Variants in EML5 observed in about 807,000 individuals in gnomAD.
The protein encoded by EML5 is echinoderm microtubule-associated protein-like 5.
A neutral mutation model predicts 250.0 loss-of-function variants in EML5; 120 were observed. The ratio of observed to expected loss-of-function variants is 0.48; its 90% CI spans 0.41 to 0.56. The LOEUF (loss-of-function observed/expected upper bound fraction) is 0.56. Among genes scored for constraint, EML5 ranks in the 20% least tolerant of loss-of-function variants. EML5 has a pLI of 0.00. For missense variants in EML5, 2,006 were observed against 2,437.6 expected (o/e 0.82, Z 3.73); for synonymous variants, 771 against 806.5 (o/e 0.96, Z 0.75).
rs2094361693 is a variant in EML5 at position 88,769,349 on chromosome 14, C to T, written c.198-14678G>A. Reference sequence around the variant, plus strand: ...ACTCTAGCCATGTGAAGTGCCTTGCCTCCCCTTTGCCTTCTGCCATGACTG... The same window carrying T: ...ACTCTAGCCATGTGAAGTGCCTTGCTTCCCCTTTGCCTTCTGCCATGACTG... On this transcript the variant is annotated intron_variant, in intron 1 of 43. Transcript: ENST00000554922. 3.9e-5 allele frequency among the ~76,000 whole-genome samples: 6 copies of T among 152,164 alleles called. No individual in the cohort carries two copies. The South Asian group carries it at 1.2e-3, about 31-fold the overall frequency.
intron 25 of EML5, among the ~76,000 whole-genome samples, chr14:88,658,940 T>A (rs183565175): frequency 3.7e-4 from 57 of 152,298 alleles, no homozygotes; most frequent in African/African-American, 1.2e-3. Context: ...AAAAAGTAAC[T>A]ATCGATTGAT....
chr14:88,779,937 C>T (rs1263111022), intron 1 of EML5, among the ~76,000 whole-genome samples: 3 of 151,930 alleles, frequency 2.0e-5, no homozygotes, highest in Non-Finnish European at 4.4e-5. Flanking sequence ...CTATGGATCT[C>T]TCATGTTTCT....
rs776663390 is a variant in EML5, at chr14:88,621,202, T to C, written c.5113A>G (p.Ile1705Val). 11 of 1,613,840 alleles carry C rather than the reference T, an allele frequency of 6.8e-6. 1 individual carries two copies. Among genetic ancestry groups the C allele is most frequent in the Admixed American group, 3.3e-5 (2 of 60,000 alleles). Residue 1705 changes from isoleucine (I) to valine (V), a missense_variant, in exon 38 of 44, where the codon ATC becomes GTC. Transcript: ENST00000554922. ...ILVNGHVDGPIWGLATHPSRD... is the reference protein window; with the variant it reads ...ILVNGHVDGPVWGLATHPSRD... ...GAAGGATGTGTTGCTAGTCCCCAGA[T>C]TGGCCCATCCACATGACCGTTAACT... is the stretch of plus-strand genomic sequence containing the variant.
At position 88,684,953 on chromosome 14, in the gene EML5, T is replaced by G. The variant is rs555617956; in HGVS notation, c.2982+62A>C. 51 of 1,419,010 alleles carry G rather than the reference T, an allele frequency of 3.6e-5. No homozygotes were observed. The African/African-American group carries it at 6.9e-4, about 19-fold the overall frequency. The allele number at this position is 1,419,010 out of a possible 1,614,324, so 87.9% of individuals were successfully genotyped here. The stretch of plus-strand genomic sequence containing the variant: ...TTTCATCACTGTCAACTTTTGGCTC[T>G]TATATATTGAAATAATCAATTGTAT... On this transcript the variant is annotated intron_variant, in intron 20 of 43. Coordinates refer to ENST00000554922, the MANE Select transcript of EML5 (RefSeq NM_183387.3).
intron 2 of EML5, among the ~76,000 whole-genome samples, chr14:88,749,519 A>C (rs2094059172): frequency 6.6e-6 from 1 of 152,210 alleles, no homozygotes; most frequent in African/African-American, 2.4e-5. Flanking sequence ...TAAATATGTA[A>C]GATTTTTCTC....
intron 30 of EML5, 72 bp from the exon 31 acceptor site, chr14:88,643,094 GTAA>G: frequency 1.5e-6 from 2 of 1,362,620 alleles, no homozygotes; most frequent in South Asian, 3.1e-5. Flanking sequence ...TGTTGTATAC[GTAA>G]TACTAGTAGT....
chr14:88,661,988 C>A (rs1446025382), intron 24 of EML5, among the ~76,000 whole-genome samples, 158 bp from the exon 25 acceptor site: 1 of 152,112 alleles, frequency 6.6e-6, no homozygotes, highest in Non-Finnish European at 1.5e-5. Context: ...GGTTTTGTAA[C>A]TCCCCAGAGC....
chr14:88,690,434 C>T (rs1020855478), intron 17 of EML5, among the ~76,000 whole-genome samples: 9 of 152,156 alleles, frequency 5.9e-5, no homozygotes, highest in South Asian at 4.2e-4. Flanking sequence ...TAGAAGATGA[C>T]GAAAAGTGGT....
chr14:88,712,404 T>A lies in EML5; in HGVS notation c.1524A>T (p.Val508=). 1 of 1,613,690 alleles carries A rather than the reference T, an allele frequency of 6.2e-7. No individual in the cohort carries two copies. Among genetic ancestry groups the A allele is most frequent in the Non-Finnish European group, 8.5e-7 (1 of 1,179,736 alleles). The change falls in exon 10 of 44, where the codon GTA becomes GTT. Residue 508 remains valine, a synonymous_variant. Transcript: ENST00000554922. ...ASWTCVSGLE[V]NGIWPKYSDI... ...CTGAATACTTGGGCCAAATTCCATT[T>A]ACTTCAAGGCCTGAAACACATGTCC... is the stretch of plus-strand genomic sequence containing the variant.
Position 88,685,024 on chromosome 14 carries a change from A to T in EML5, c.2973T>A (p.Leu991=). 1 of 1,602,404 alleles carries T rather than the reference A, an allele frequency of 6.2e-7. No individual in the cohort carries two copies. Among genetic ancestry groups the T allele is most frequent in the Non-Finnish European group, 8.5e-7 (1 of 1,174,968 alleles). The change falls in exon 20 of 44, where the codon CTT becomes CTA. Residue 991 remains leucine (L), a synonymous_variant. Coordinates refer to ENST00000554922, the MANE Select transcript of EML5 (RefSeq NM_183387.3). ...LEVDKSGPIT[L]LVQGHMEGEV... ...TAGCATTTAAAATTACCTGAACCAG[A>T]AGTGTTATTGGGCCACTTTTATCCA...
chr14:88,617,542 G>A (rs918274002), intron 41 of EML5: 1 of 152,442 alleles, frequency 6.6e-6, no homozygotes, highest in African/African-American at 2.4e-5. Flanking sequence ...GCTGAGGCAG[G>A]AGGACTGCTT....
Position 88,638,878 on chromosome 14 carries a change from C to T in EML5, c.4267G>A (p.Asp1423Asn). The T allele has an allele frequency of 6.3e-7, 1 of 1,590,658 alleles. No individual in the cohort carries two copies. Among genetic ancestry groups the T allele is most frequent in the Non-Finnish European group, 8.6e-7 (1 of 1,168,608 alleles). Residue 1423 changes from aspartate (D) to asparagine (N), a missense_variant, in exon 32 of 44, where the codon GAT becomes AAT. This residue lies in a region of EML5 where 1,375 missense variants were observed against 1,590.3 expected (regional missense o/e 0.86). Coordinates refer to ENST00000554922, the MANE Select transcript of EML5 (RefSeq NM_183387.3). ...GSQSFYQEHN[D>N]DILCLTVNQH... ...TTTACTGTGAGGCACAGAATATCATCATTATGTTCCTGATAAAAACTCTGA... is the reference window on the plus strand; with the variant it reads ...TTTACTGTGAGGCACAGAATATCATTATTATGTTCCTGATAAAAACTCTGA...
At chr14:88,750,468 T>C (rs933326731) in intron 2 of EML5, among the ~76,000 whole-genome samples, 1 of 152,144 alleles carries the variant, frequency 6.6e-6, no homozygotes, top group East Asian at 1.9e-4. Context: ...ACTGTGAAAA[T>C]TGACATATGT....
At chr14:88,683,447 A>T (rs2092759527) in intron 20 of EML5, among the ~76,000 whole-genome samples, 1 of 152,240 alleles carries the variant, frequency 6.6e-6, no homozygotes, top group Non-Finnish European at 1.5e-5. Context: ...GTGGTCAGGG[A>T]AAGAGACAAA....
At chr14:88,711,058 A>G (rs1487398236) in intron 10 of EML5, among the ~76,000 whole-genome samples, 1 of 152,156 alleles carries the variant, frequency 6.6e-6, no homozygotes, top group Admixed American at 6.5e-5. Context: ...TAAGAGGAAG[A>G]TCATCATGAC....
At chr14:88,678,063 TG>T (rs1469037303) in intron 21 of EML5, among the ~76,000 whole-genome samples, 3 of 152,078 alleles carry the variant, frequency 2.0e-5, no homozygotes, top group African/African-American at 7.2e-5. Flanking sequence ...GATATTAGAC[TG>T]GATAAAGAAA....
chr14:88,748,284 C>G (rs2094038015), intron 2 of EML5, among the ~76,000 whole-genome samples: 1 of 152,102 alleles, frequency 6.6e-6, no homozygotes, highest in Non-Finnish European at 1.5e-5. Flanking sequence ...TACTAGAGAG[C>G]TAAAAGCAAA....
intron 21 of EML5, among the ~76,000 whole-genome samples, chr14:88,674,346 A>C (rs2092545202): frequency 6.6e-6 from 1 of 152,202 alleles, no homozygotes; most frequent in South Asian, 2.1e-4. Context: ...ATTGACTCAC[A>C]GTTCTGTATT....
rs975046763 is a variant in EML5 at position 88,701,918 on chromosome 14, C to T, written c.2238+528G>A. 8.5e-5 allele frequency among the ~76,000 whole-genome samples: 13 copies of T among 152,246 alleles called. No homozygotes were observed. In the South Asian group the frequency reaches 1.9e-3, roughly 22 times the overall value. ...CTTACACAAAGGAAGAATCTATAAA[C>T]ATCATTTCTTCCCTTCCTTCTCTAA... On this transcript the variant is annotated intron_variant, in intron 14 of 43. Coordinates refer to ENST00000554922, the MANE Select transcript of EML5 (RefSeq NM_183387.3).
Sources: allele counts gnomAD v4.1 joint callset (sites outside exome capture counted in the v4.1 genomes callset), GRCh38; gene constraint gnomAD v4.1.1; regional missense constraint gnomAD v4.1.1; transcripts MANE v1.5; gene names NCBI Gene and HGNC (gene_info 2026-07-23, HGNC 2026-07-21).